The following NOL4L variants were observed in gnomAD, a reference collection of about 807,000 sequenced individuals.
NOL4L encodes the protein nucleolar protein 4-like.
NOL4L carries 7 observed loss-of-function variants against 64.5 expected under a neutral mutation model. That is an observed-to-expected ratio of 0.11 (90% confidence interval 0.06 to 0.20). NOL4L has a LOEUF of 0.20. NOL4L is among the 10% of genes least tolerant of loss of function. The pLI, the probability that NOL4L is intolerant of heterozygous loss-of-function variation, is 1.00. For synonymous variants in NOL4L, 413 were observed against 401.0 expected, an observed-to-expected ratio of 1.03 and a Z score of -0.36; for missense variants, 680 against 967.1, an observed-to-expected ratio of 0.70 and a Z score of 3.94.
At chr20:32,561,524 A>G (rs1032839189) in intron 1 of NOL4L, among the ~76,000 whole-genome samples, 1 of 152,146 alleles carries the variant, frequency 6.6e-6, no homozygotes, top group African/African-American at 2.4e-5. Flanking sequence ...AGCAGGGGAC[A>G]GGTGTGGTGC....
chr20:32,473,061 C>A (rs1435117794), intron 5 of NOL4L, among the ~76,000 whole-genome samples: 1 of 152,230 alleles, frequency 6.6e-6, no homozygotes, highest in Non-Finnish European at 1.5e-5. Flanking sequence ...AATCACCAGA[C>A]CTCCCCAGGA....
At chr20:32,469,525 C>T (rs1166559734) in intron 5 of NOL4L, among the ~76,000 whole-genome samples, 1 of 152,074 alleles carries the variant, frequency 6.6e-6, no homozygotes, top group Non-Finnish European at 1.5e-5. Context: ...GCATGTGCCA[C>T]CACACCCAGC....
chr20:32,490,323 G>A (rs1568651442), intron 4 of NOL4L, among the ~76,000 whole-genome samples: 1 of 152,030 alleles, frequency 6.6e-6, no homozygotes, highest in African/African-American at 2.4e-5. Flanking sequence ...TATGGAGAAA[G>A]GAGAGATGTT....
At chr20:32,475,186 C>G in intron 4 of NOL4L, 1 of 985,464 alleles carries the variant, frequency 1.0e-6, no homozygotes, top group Non-Finnish European at 1.2e-6. Context: ...GAGCTGAGTG[C>G]CCCCAGCAGG....
chr20:32,471,008 C>T (rs564265039), intron 5 of NOL4L, among the ~76,000 whole-genome samples: 1 of 152,334 alleles, frequency 6.6e-6, no homozygotes, highest in Admixed American at 6.5e-5. Context: ...ATCGCAGGGA[C>T]CTGGGAGCAT....
At chr20:32,552,123 T>C (rs889435918) in intron 1 of NOL4L, among the ~76,000 whole-genome samples, 2 of 152,160 alleles carry the variant, frequency 1.3e-5, no homozygotes, top group African/African-American at 4.8e-5. Context: ...TTGTGTGGCA[T>C]GTGAATTATA....
At chr20:32,483,083 C>T (rs1306377801) in intron 4 of NOL4L, among the ~76,000 whole-genome samples, 1 of 150,544 alleles carries the variant, frequency 6.6e-6, no homozygotes, top group East Asian at 2.0e-4. Flanking sequence ...CGCCCCGCGG[C>T]CCCCACAGTG....
At chr20:32,491,260 T>C (rs2016457567) in intron 4 of NOL4L, among the ~76,000 whole-genome samples, 1 of 152,074 alleles carries the variant, frequency 6.6e-6, no homozygotes, top group African/African-American at 2.4e-5. Flanking sequence ...AGGAAGGAAG[T>C]CCCCAGGGTG....
intron 1 of NOL4L, among the ~76,000 whole-genome samples, chr20:32,557,196 C>T (rs1425305245): frequency 6.6e-6 from 1 of 152,220 alleles, no homozygotes; most frequent in South Asian, 2.1e-4. Flanking sequence ...TCCACCCTCA[C>T]GCATCCCTGC....
At chr20:32,547,530 A>C (rs1468952749) in intron 1 of NOL4L, among the ~76,000 whole-genome samples, 1 of 152,018 alleles carries the variant, frequency 6.6e-6, no homozygotes, top group African/African-American at 2.4e-5. Context: ...GGCTCAAGTC[A>C]TTCTCCCACC....
In NOL4L at chr20:32,453,175, G is replaced by C. The variant is rs775348803; in HGVS notation, c.1497+129C>G. On this transcript the variant is annotated intron_variant, in intron 8 of 10. Coordinates refer to ENST00000621426, the MANE Select transcript of NOL4L (RefSeq NM_001256798.2). The surrounding 1 kb of genome is among the most constrained non-coding windows in gnomAD (Gnocchi z 5.6). ...CCTTAGTTCCCTCATTTGCAAACCAGGGATTATGGTACTTGCTTCCAGGGC... is the reference window on the plus strand; with the variant it reads ...CCTTAGTTCCCTCATTTGCAAACCACGGATTATGGTACTTGCTTCCAGGGC... 1 of 1,412,928 alleles carries C rather than the reference G, an allele frequency of 7.1e-7. No individual in the cohort carries two copies. The highest frequency in any genetic ancestry group is 9.6e-7 in the Non-Finnish European group (1 of 1,043,844). 87.5% of individuals were successfully genotyped at this position (1,412,928 alleles called of 1,614,324 possible).
At chr20:32,513,310 G>A (rs1368322921) in intron 3 of NOL4L, among the ~76,000 whole-genome samples, 2 of 152,154 alleles carry the variant, frequency 1.3e-5, no homozygotes, top group African/African-American at 4.8e-5. Flanking sequence ...AAGGGTCCCT[G>A]CAACCTTGAA....
intron 4 of NOL4L, among the ~76,000 whole-genome samples, chr20:32,501,607 TG>T (rs2016924676): frequency 1.3e-5 from 2 of 151,952 alleles, no homozygotes; most frequent in African/African-American, 4.8e-5. Context: ...TGTCGAGGAG[TG>T]GGCAATGTGG....
chr20:32,454,134 C>T (rs1168250114), intron 6 of NOL4L: 6 of 209,892 alleles, frequency 2.9e-5, no homozygotes, highest in African/African-American at 9.0e-5. Flanking sequence ...TCCCACCACC[C>T]GCCAGCCTCC....
intron 4 of NOL4L, among the ~76,000 whole-genome samples, chr20:32,489,360 A>AT (rs2016362068): frequency 1.3e-5 from 2 of 151,002 alleles, no homozygotes; most frequent in South Asian, 4.2e-4. Flanking sequence ...TTTATCTTTT[A>AT]TTTTTTATTT....
intron 5 of NOL4L, among the ~76,000 whole-genome samples, chr20:32,470,026 G>A (rs1037565327): frequency 6.6e-6 from 1 of 152,236 alleles, no homozygotes; most frequent in African/African-American, 2.4e-5. Context: ...GCACACACCA[G>A]GCCCTGACCT....
intron 5 of NOL4L, among the ~76,000 whole-genome samples, chr20:32,457,148 C>T (rs1276170074): frequency 6.6e-6 from 1 of 152,250 alleles, no homozygotes; most frequent in African/African-American, 2.4e-5. Context: ...CCGCAAAGAG[C>T]GCGGCACCGC....
intron 1 of NOL4L, among the ~76,000 whole-genome samples, chr20:32,552,541 G>A (rs1035114884): frequency 1.3e-5 from 2 of 151,608 alleles, no homozygotes; most frequent in African/African-American, 4.8e-5. Context: ...ACAACAATTA[G>A]CCAGGCATGG....
intron 5 of NOL4L, among the ~76,000 whole-genome samples, chr20:32,473,601 G>A (rs1400250716): frequency 6.6e-6 from 1 of 152,186 alleles, no homozygotes; most frequent in Non-Finnish European, 1.5e-5. Flanking sequence ...TCAGGCCTTC[G>A]GGAGGCAGGC....
Sources: gnomAD v4.1 joint callset for allele counts (sites outside exome capture counted in the v4.1 genomes callset) on GRCh38, gnomAD v4.1.1 for gene constraint, Gnocchi (gnomAD v3.1) non-coding constraint, MANE v1.5 for transcripts, NCBI Gene and HGNC (gene_info 2026-07-23, HGNC 2026-07-21) for gene names.